The following STXBP5 variants were observed in gnomAD, a reference collection of about 807,000 sequenced individuals.
STXBP5 encodes syntaxin binding protein 5, also known as syntaxin-binding protein 5.
STXBP5 carries 50 observed loss-of-function variants against 152.4 expected under a neutral mutation model. The observed-to-expected ratio is 0.33, with a 90% CI of 0.26 to 0.42. The LOEUF (loss-of-function observed/expected upper bound fraction) is 0.42, where lower values mean the gene tolerates loss of function less well. Among genes scored for constraint, STXBP5 ranks in the 10% least tolerant of loss-of-function variants. The probability of loss-of-function intolerance (pLI) is 1.00; values close to 1 mark genes in which losing one functional copy is unlikely to be tolerated. For synonymous variants in STXBP5, 492 were observed against 494.7 expected (o/e 0.99, Z 0.07); for missense variants, 1,167 against 1,388.6 (o/e 0.84, Z 2.54).
chr6:147,258,115 T>C (rs911552919), intron 4 of STXBP5, among the ~76,000 whole-genome samples: 1 of 152,204 alleles, frequency 6.6e-6, no homozygotes, highest in Non-Finnish European at 1.5e-5. Context: ...TTTCAAACTA[T>C]GCCTGTGGCA....
chr6:147,270,377 C>T (rs916238824), intron 7 of STXBP5, among the ~76,000 whole-genome samples: 24 of 134,734 alleles, frequency 1.8e-4, no homozygotes, highest in Non-Finnish European at 2.5e-4. Flanking sequence ...CCACCCTGGG[C>T]GACAGAGTGA....
intron 7 of STXBP5, among the ~76,000 whole-genome samples, chr6:147,275,820 G>GTGCTGGGA (rs1004114985): frequency 2.6e-5 from 4 of 152,068 alleles, no homozygotes; most frequent in Non-Finnish European, 5.9e-5. Flanking sequence ...GCCTCCCAAA[G>GTGCTGGGA]TGCTGGGATT....
At position 147,384,863 on chromosome 6, in the gene STXBP5, T is replaced by A; in HGVS notation, c.*108T>A. 8.9e-7 allele frequency: 1 copy of A among 1,127,908 alleles called. No individual in the cohort carries two copies. The highest frequency in any genetic ancestry group is 1.3e-6 in the Non-Finnish European group (1 of 758,384). 69.9% of individuals were successfully genotyped at this position (1,127,908 alleles called of 1,614,324 possible). On this transcript the variant is annotated 3_prime_UTR_variant, in exon 28 of 28. Transcript: ENST00000321680. ...TAAAGGGATGTTCGTCACTGAATAC[T>A]GTTCTTTCCTAGCACAGTCATGCAC...
intron 14 of STXBP5, among the ~76,000 whole-genome samples, chr6:147,315,076 A>G (rs1187545436): frequency 2.0e-5 from 3 of 152,170 alleles, no homozygotes; most frequent in Admixed American, 6.6e-5. Context: ...ACACATGGCA[A>G]GCATTCAATT....
Position 147,204,682 on chromosome 6 carries a change from G to A in STXBP5, c.150G>A (p.Lys50=). Residue 50 remains lysine (K), a splice_region_variant and synonymous_variant, in exon 1 of 28, where the codon AAG becomes AAA. Transcript: ENST00000321680. The surrounding 1 kb of genome is among the most constrained non-coding windows in gnomAD (Gnocchi z 4.3). ...AGTCCGAGCACTTTCAGCTCTGCAAGGTGAACGGAGCGCGCAGCCCCGCGA... is the reference window on the plus strand; with the variant it reads ...AGTCCGAGCACTTTCAGCTCTGCAAAGTGAACGGAGCGCGCAGCCCCGCGA... The part of the protein sequence containing the change: ...TLQSEHFQLC[K]TVRHGFPYQP... The A allele has an allele frequency of 6.3e-7, 1 of 1,577,874 alleles. No individual in the cohort carries two copies. The highest frequency in any genetic ancestry group is 8.6e-7 in the Non-Finnish European group (1 of 1,161,466).
intron 18 of STXBP5, among the ~76,000 whole-genome samples, chr6:147,332,694 A>G (rs1451283845): frequency 6.6e-6 from 1 of 152,206 alleles, no homozygotes; most frequent in Non-Finnish European, 1.5e-5. Context: ...CCAACCAAGT[A>G]GGGTTGGACT....
Position 147,204,697 on chromosome 6 carries a change from C to T in STXBP5, c.150+15C>T. 6.4e-7 allele frequency: 1 copy of T among 1,551,330 alleles called. No homozygotes were observed. Among genetic ancestry groups the T allele is most frequent in the Non-Finnish European group, 8.7e-7 (1 of 1,146,502 alleles). ...AGCTCTGCAAGGTGAACGGAGCGCG[C>T]AGCCCCGCGACACCGTCATTGAAAA... On this transcript the variant is annotated intron_variant, in intron 1 of 27. Coordinates refer to ENST00000321680, the MANE Select transcript of STXBP5 (RefSeq NM_001127715.4). The surrounding 1 kb of genome is among the most constrained non-coding windows in gnomAD (Gnocchi z 4.3).
intron 4 of STXBP5, among the ~76,000 whole-genome samples, chr6:147,250,969 CAAAA>C (rs887963991): frequency 7.6e-5 from 4 of 52,946 alleles, no homozygotes; most frequent in Non-Finnish European, 1.1e-4. Context: ...ACCTTGTCTC[CAAAA>C]AAAAAAAAAA....
At chr6:147,320,507 C>T (rs1169319557) in intron 16 of STXBP5, among the ~76,000 whole-genome samples, 2 of 151,558 alleles carry the variant, frequency 1.3e-5, no homozygotes, top group African/African-American at 4.9e-5. Context: ...TCCACTGACA[C>T]TCAAGAAAAT....
intron 17 of STXBP5, among the ~76,000 whole-genome samples, chr6:147,326,112 A>G (rs1239235758): frequency 6.6e-6 from 1 of 152,152 alleles, no homozygotes; most frequent in Admixed American, 6.5e-5. Context: ...GAAGAAACCA[A>G]GGGACAACTG....
chr6:147,215,786 G>A (rs1228258303), intron 2 of STXBP5, among the ~76,000 whole-genome samples: 1 of 151,918 alleles, frequency 6.6e-6, no homozygotes, highest in Non-Finnish European at 1.5e-5. Flanking sequence ...TGTTATCTCT[G>A]GAATTATGAT....
At chr6:147,303,266 G>A (rs778778908) in intron 9 of STXBP5, among the ~76,000 whole-genome samples, 24 of 152,046 alleles carry the variant, frequency 1.6e-4, no homozygotes, top group Non-Finnish European at 2.9e-4. Context: ...TGAATCATGA[G>A]GGTGGTTTCC....
rs541937242 is a variant in STXBP5 at position 147,367,574 on chromosome 6, C to T, written c.3081+3408C>T. Among the ~76,000 whole-genome samples, 3 of 152,078 alleles carry T rather than the reference C, an allele frequency of 2.0e-5. No homozygotes were observed. In the South Asian group the frequency reaches 6.2e-4, roughly 32 times the overall value. ...AATCGCTTGAACCCGGGAGGCGGAG[C>T]TTGCAGTGAGCTGAGATCACGCCAC... On this transcript the variant is annotated intron_variant, in intron 25 of 27. Transcript: ENST00000321680.
At chr6:147,378,889 CT>C (rs1785938788) in intron 26 of STXBP5, among the ~76,000 whole-genome samples, 1 of 152,028 alleles carries the variant, frequency 6.6e-6, no homozygotes, top group Non-Finnish European at 1.5e-5. Context: ...AATTTATTAC[CT>C]TACAATTCCA....
At chr6:147,302,030 G>GT (rs1189663053) in intron 9 of STXBP5, among the ~76,000 whole-genome samples, 1 of 152,118 alleles carries the variant, frequency 6.6e-6, no homozygotes, top group Admixed American at 6.5e-5. Context: ...TAGTAGCTGT[G>GT]TAAGTATATG....
At chr6:147,321,453 G>T (rs1782931260) in intron 16 of STXBP5, among the ~76,000 whole-genome samples, 3 of 152,188 alleles carry the variant, frequency 2.0e-5, no homozygotes, top group East Asian at 1.9e-4. Flanking sequence ...TTAGCCAGGT[G>T]TGGCGACATC....
intron 7 of STXBP5, among the ~76,000 whole-genome samples, chr6:147,273,100 C>T (rs1477150681): frequency 6.6e-6 from 1 of 151,314 alleles, no homozygotes; most frequent in African/African-American, 2.4e-5. Context: ...TGTCTGTAAT[C>T]CCAGCTCTTT....
intron 2 of STXBP5, among the ~76,000 whole-genome samples, chr6:147,231,578 A>T (rs964564356): frequency 3.9e-5 from 6 of 151,942 alleles, no homozygotes; most frequent in African/African-American, 1.4e-4. Context: ...AAGCTAAGAT[A>T]CAGTGACAGA....
At chr6:147,242,274 T>C (rs563012867) in intron 4 of STXBP5, among the ~76,000 whole-genome samples, 1 of 152,212 alleles carries the variant, frequency 6.6e-6, no homozygotes, top group South Asian at 2.1e-4. Flanking sequence ...AGTTTTACAT[T>C]GTGTTTGTAA....
Sources: gnomAD v4.1 joint callset for allele counts (sites outside exome capture counted in the v4.1 genomes callset) on GRCh38, gnomAD v4.1.1 for gene constraint, Gnocchi (gnomAD v3.1) non-coding constraint, MANE v1.5 for transcripts, NCBI Gene and HGNC (gene_info 2026-07-23, HGNC 2026-07-21) for gene names.